NLRP11: variants seen among roughly 807,000 people sequenced by gnomAD.
NLRP11 encodes the protein NLR family pyrin domain containing 11.
Under a neutral mutation model 79.3 loss-of-function variants are expected in NLRP11, and 53 were observed. The ratio of observed to expected loss-of-function variants is 0.67; its 90% CI spans 0.54 to 0.84. NLRP11 has a LOEUF of 0.84. Among genes scored for constraint, NLRP11 ranks in the 40% least tolerant of loss-of-function variants. NLRP11 has a pLI of 0.00. For missense variants in NLRP11, 1,264 were observed against 1,255.0 expected (o/e 1.01, Z -0.11); for synonymous variants, 518 against 462.6 (o/e 1.12, Z -1.54).
intron 1 of NLRP11, among the ~76,000 whole-genome samples, chr19:55,831,064 G>GT (rs1264724951): frequency 1.4e-5 from 2 of 146,918 alleles, no homozygotes; most frequent in African/African-American, 5.0e-5. Context: ...GAATCAATTT[G>GT]TAAACTAAAA....
rs373504408 is a variant in NLRP11 at position 55,786,000 on chromosome 19, A to T, written c.2856-129T>A. The T allele has an allele frequency of 1.5e-5, 14 of 964,216 alleles. No individual in the cohort carries two copies. In the South Asian group the frequency reaches 1.9e-4, roughly 13 times the overall value. 59.7% of individuals were successfully genotyped at this position (964,216 alleles called of 1,614,324 possible). A position where few individuals can be genotyped will look rare whatever the true frequency, so the allele number is the denominator to read the frequency against. On this transcript the variant is annotated intron_variant, in intron 9 of 9. Transcript: ENST00000589093. ...GGAGTATCTCAAGCCATCTCTGAGG[A>T]AACAAAAATCTGTTCCAGACTGAAA... is the stretch of plus-strand genomic sequence containing the variant.
chr19:55,812,721 A>G (rs1406484997), intron 2 of NLRP11, among the ~76,000 whole-genome samples: 2 of 152,080 alleles, frequency 1.3e-5, no homozygotes, highest in African/African-American at 4.8e-5. Flanking sequence ...CTACCCTAGG[A>G]CCCTGAAGCT....
At chr19:55,788,901 T>G in exon 9 of NLRP11, 1 of 1,614,064 alleles carries the variant, frequency 6.2e-7, no homozygotes, top group South Asian at 1.1e-5. Flanking sequence ...AAGTTGAGTC[T>G]TTCTAGTGTT....
At chr19:55,835,350 T>TA (rs1190383330), upstream of NLRP11, among the ~76,000 whole-genome samples, 1 of 152,252 alleles carries the variant, frequency 6.6e-6, no homozygotes, top group Non-Finnish European at 1.5e-5. Context: ...ACCTTGCGTC[T>TA]AAAAAACTTA....
intron 7 of NLRP11, 46 bp downstream of exon 7, chr19:55,792,255 C>T: frequency 1.3e-6 from 2 of 1,553,924 alleles, no homozygotes; most frequent in Non-Finnish European, 1.8e-6. Flanking sequence ...CCCAAGCCCT[C>T]ATGCAGTAGA....
chr19:55,794,047 A>G (rs1266273985), intron 6 of NLRP11, among the ~76,000 whole-genome samples: 1 of 152,214 alleles, frequency 6.6e-6, no homozygotes, highest in Non-Finnish European at 1.5e-5. Context: ...CCTATTTAAA[A>G]TAAGTTACCA....
rs148619880 is a variant in NLRP11 at position 55,800,071 on chromosome 19, G to A, written c.2171+1501C>T. Among the ~76,000 whole-genome samples the A allele has an allele frequency of 2.2e-4, 33 of 152,220 alleles. 1 individual carries two copies. Among genetic ancestry groups the A allele is most frequent in the Admixed American group, 9.2e-4 (14 of 15,296 alleles). On this transcript the variant is annotated intron_variant, in intron 5 of 9. Coordinates refer to ENST00000589093, the Ensembl canonical transcript of NLRP11. ...AAGGACGCAGTAGGATTAAAGGGTG[G>A]GAAGATTTGCTTACAAGACAAAGCA...
At position 55,809,439 on chromosome 19, in the gene NLRP11, G is replaced by C. The variant is rs924416291; in HGVS notation, c.1171C>G (p.Leu391Val). Residue 391 changes from leucine to valine, a missense_variant, in exon 3 of 10, where the codon CTA becomes GTA. By Grantham distance (32) the Leu-to-Val change is conservative. Transcript: ENST00000589093. The surrounding 1 kb of genome is among the most constrained non-coding windows in gnomAD (Gnocchi z 4.5). ...AAACACAGACGTTTTAGGAGACCTAGGTGATACTGATTGGCAGTAAGTCCA... is the reference window on the plus strand; with the variant it reads ...AAACACAGACGTTTTAGGAGACCTACGTGATACTGATTGGCAGTAAGTCCA... 2 of 1,614,148 alleles carry C rather than the reference G, an allele frequency of 1.2e-6. No homozygotes were observed. Among genetic ancestry groups the C allele is most frequent in the Non-Finnish European group, 8.5e-7 (1 of 1,180,026 alleles).
chr19:55,792,238 C>T, intron 7 of NLRP11, 63 bp downstream of exon 7: 1 of 1,449,458 alleles, frequency 6.9e-7, no homozygotes, highest in Non-Finnish European at 9.6e-7. Context: ...TGCCACCAAC[C>T]CCACCACCCA....
At chr19:55,798,405 A>G (rs781448881) in intron 5 of NLRP11, 1 of 888,778 alleles carries the variant, frequency 1.1e-6, no homozygotes, top group Non-Finnish European at 1.3e-6. Context: ...AAACTAACAT[A>G]AGGACAGAAA....
At chr19:55,801,978 C>A (rs1040945548) in intron 4 of NLRP11, among the ~76,000 whole-genome samples, 8 of 152,178 alleles carry the variant, frequency 5.3e-5, no homozygotes, top group African/African-American at 1.9e-4. Flanking sequence ...CATGACCTTT[C>A]TTAAGTGGGA....
intron 5 of NLRP11, 149 bp downstream of exon 5, chr19:55,801,423 G>T: frequency 1.6e-6 from 1 of 621,946 alleles, no homozygotes; most frequent in Non-Finnish European, 2.9e-6. Context: ...TAATGTTGGT[G>T]AAAGAAACAA....
At chr19:55,823,693 C>G (rs968713692) in intron 1 of NLRP11, among the ~76,000 whole-genome samples, 6 of 149,376 alleles carry the variant, frequency 4.0e-5, no homozygotes, top group African/African-American at 1.3e-4. Context: ...TGAAATGAAG[C>G]GAGAAGGGAA....
At position 55,792,323 on chromosome 19, in the gene NLRP11, T is replaced by C. The variant is rs1029570851; in HGVS notation, c.2491A>G (p.Thr831Ala). 57 of 1,613,892 alleles carry C rather than the reference T, an allele frequency of 3.5e-5. 1 individual carries two copies. The highest frequency in any genetic ancestry group is 1.7e-5 in the Admixed American group (1 of 59,982). ...TACTGAAGCTCCTCTAACTGACAGG[T>C]TGGAAACAGCAAGGGAAACGTCACA... Residue 831 changes from threonine (T) to alanine (A), a missense_variant, in exon 7 of 10, where the codon ACC becomes GCC. Physicochemically the swap from Thr to Ala is moderately conservative, Grantham distance 58. Transcript: ENST00000589093.
intron 1 of NLRP11, among the ~76,000 whole-genome samples, chr19:55,823,061 G>T (rs1410757426): frequency 1.3e-5 from 2 of 148,750 alleles, no homozygotes; most frequent in Non-Finnish European, 3.0e-5. Context: ...CGCAGCTGGA[G>T]ATCTGAGAAC....
At chr19:55,787,661 A>C (rs1989965247) in intron 9 of NLRP11, among the ~76,000 whole-genome samples, 1 of 152,186 alleles carries the variant, frequency 6.6e-6, no homozygotes, top group South Asian at 2.1e-4. Context: ...CCAATAGGCA[A>C]ATATGGTGAG....
At position 55,817,855 on chromosome 19, in the gene NLRP11, C is replaced by T. The variant is rs540349570; in HGVS notation, c.271+49G>A. ...AAAAAAAAGGCCCAACACCCAGCTT[C>T]CTGTGAAGTGCCCTGATTTCTGCCC... On this transcript the variant is annotated intron_variant, in intron 2 of 9. Transcript: ENST00000589093. The T allele has an allele frequency of 2.9e-5, 42 of 1,469,388 alleles. 2 individuals are homozygous for T. In the South Asian group the frequency reaches 5.3e-4, roughly 19 times the overall value. The allele number at this position is 1,469,388 out of a possible 1,614,324, so 91.0% of individuals were successfully genotyped here.
rs146323951 is a variant in NLRP11 at position 55,795,907 on chromosome 19, C to T, written c.2342+173G>A. Reference sequence around the variant, plus strand: ...TCCAGAAACATTTTTGCCAACGTTTCGCAAATCAGCTGTCAACCCAGAGTA... The same window carrying T: ...TCCAGAAACATTTTTGCCAACGTTTTGCAAATCAGCTGTCAACCCAGAGTA... On this transcript the variant is annotated intron_variant, in intron 6 of 9. Transcript: ENST00000589093. Among the ~76,000 whole-genome samples, 325 of 152,312 alleles carry T rather than the reference C, an allele frequency of 2.1e-3. 4 individuals carry two copies. The East Asian group carries it at 0.039, about 18-fold the overall frequency.
intron 5 of NLRP11, among the ~76,000 whole-genome samples, chr19:55,797,335 G>C (rs1274633393): frequency 1.3e-5 from 2 of 152,110 alleles, no homozygotes; most frequent in Non-Finnish European, 2.9e-5. Flanking sequence ...ATAAAAATAA[G>C]TGATCTTTCC....
Sources: gnomAD v4.1 joint callset for allele counts (sites outside exome capture counted in the v4.1 genomes callset) on GRCh38, gnomAD v4.1.1 for gene constraint, Gnocchi (gnomAD v3.1) non-coding constraint, MANE v1.5 for transcripts, NCBI Gene and HGNC (gene_info 2026-07-23, HGNC 2026-07-21) for gene names.